The following NEK11 variants were observed in gnomAD, a reference collection of about 807,000 sequenced individuals.
The protein encoded by NEK11 is serine/threonine-protein kinase Nek11.
NEK11 carries 72 observed loss-of-function variants against 80.7 expected under a neutral mutation model. The ratio of observed to expected loss-of-function variants is 0.89; its 90% confidence interval spans 0.74 to 1.08. The LOEUF (loss-of-function observed/expected upper bound fraction) is 1.08. NEK11 is among the 50% of genes least tolerant of loss of function. The pLI, the probability that NEK11 is intolerant of heterozygous loss-of-function variation, is 0.00. For synonymous variants in NEK11, 251 were observed against 260.7 expected, an observed-to-expected ratio of 0.96 and a Z score of 0.36; for missense variants, 764 against 763.6, an observed-to-expected ratio of 1.00 and a Z score of -0.01.
Position 131,029,895 on chromosome 3 carries a change from C to A in NEK11, c.170+17C>A. On this transcript the variant is annotated intron_variant, in intron 3 of 17. Transcript: ENST00000383366. The stretch of plus-strand genomic sequence containing the variant: ...AGAGGAATTGTAAGTAAAAATGCTT[C>A]CTATGAATCTTGAGTAGGCTGCTTT... 1 of 1,612,266 alleles carries A rather than the reference C, an allele frequency of 6.2e-7. No individual in the cohort carries two copies. Among genetic ancestry groups the A allele is most frequent in the Non-Finnish European group, 8.5e-7 (1 of 1,178,520 alleles).
intron 4 of NEK11, among the ~76,000 whole-genome samples, chr3:131,102,256 A>T (rs1050254261): frequency 6.6e-6 from 1 of 152,106 alleles, no homozygotes; most frequent in Non-Finnish European, 1.5e-5. Flanking sequence ...TAGAATTAAG[A>T]TTGCTTTGCA....
intron 14 of NEK11, among the ~76,000 whole-genome samples, chr3:131,179,021 C>G (rs2093201822): frequency 6.6e-6 from 1 of 152,138 alleles, no homozygotes; most frequent in African/African-American, 2.4e-5. Flanking sequence ...GAGGTGGGGT[C>G]ATTAAGAGGC....
chr3:131,233,924 GT>G (rs2095382979), intron 15 of NEK11, among the ~76,000 whole-genome samples: 1 of 152,220 alleles, frequency 6.6e-6, no homozygotes, highest in African/African-American at 2.4e-5. Flanking sequence ...AGGAAATTAA[GT>G]TACATCTCCA....
In NEK11 at chr3:131,248,092, C is replaced by T. The variant is rs115747579; in HGVS notation, c.1621+4596C>T. Among the ~76,000 whole-genome samples, 1,469 of 152,080 alleles carry T rather than the reference C, an allele frequency of 9.7e-3. 16 individuals are homozygous for T. Among genetic ancestry groups the T allele is most frequent in the African/African-American group, 0.032 (1,314 of 41,494 alleles). On this transcript the variant is annotated intron_variant, in intron 16 of 17. Coordinates refer to ENST00000383366, the MANE Select transcript of NEK11 (RefSeq NM_024800.5). ...CAATTTGGGTGCTATTTATTTTTCTCTTGCTTGGTTGCTCTGGGTAGGACT... is the reference window on the plus strand; with the variant it reads ...CAATTTGGGTGCTATTTATTTTTCTTTTGCTTGGTTGCTCTGGGTAGGACT...
At chr3:131,256,281 TA>T (rs756085794) in intron 16 of NEK11, among the ~76,000 whole-genome samples, 5 of 152,194 alleles carry the variant, frequency 3.3e-5, no homozygotes, top group Non-Finnish European at 7.4e-5. Flanking sequence ...ATTTGATTTT[TA>T]TACAATGTAT....
intron 4 of NEK11, among the ~76,000 whole-genome samples, chr3:131,105,386 T>G (rs2079029135): frequency 6.6e-6 from 1 of 152,248 alleles, no homozygotes; most frequent in Non-Finnish European, 1.5e-5. Flanking sequence ...GCACGTCTAA[T>G]CTTAGCTAGC....
chr3:131,123,833 C>A (rs2082815328), intron 5 of NEK11, among the ~76,000 whole-genome samples: 1 of 152,000 alleles, frequency 6.6e-6, no homozygotes, highest in East Asian at 1.9e-4. Flanking sequence ...CTATAGAAAC[C>A]AAGTGATCAA....
At chr3:131,212,775 A>C (rs182451248) in intron 14 of NEK11, among the ~76,000 whole-genome samples, 37 of 152,354 alleles carry the variant, frequency 2.4e-4, no homozygotes, top group Admixed American at 2.3e-3. Context: ...TCAAGTTGCA[A>C]AATAATTCTC....
chr3:131,148,101 C>G (rs2149766923), intron 7 of NEK11, among the ~76,000 whole-genome samples: 1 of 151,546 alleles, frequency 6.6e-6, no homozygotes, highest in South Asian at 2.1e-4. Context: ...TTATAGAATG[C>G]TTTTTTTGCA....
At chr3:131,327,160 T>A (rs1394846937) in intron 17 of NEK11, 1 of 152,248 alleles carries the variant, frequency 6.6e-6, no homozygotes, top group Non-Finnish European at 1.5e-5. Context: ...ACAAGCAAAC[T>A]AAGATGCCCT....
intron 17 of NEK11, among the ~76,000 whole-genome samples, chr3:131,295,091 A>T (rs1429310656): frequency 2.6e-5 from 4 of 152,074 alleles, no homozygotes; most frequent in African/African-American, 9.7e-5. Flanking sequence ...GTGATTATTG[A>T]TGTAGTTGGA....
Position 131,110,029 on chromosome 3 carries a change from A to G in NEK11, c.455+108A>G, listed in dbSNP as rs2079839202. On this transcript the variant is annotated intron_variant, in intron 5 of 17. Coordinates refer to ENST00000383366, the MANE Select transcript of NEK11 (RefSeq NM_024800.5). The stretch of plus-strand genomic sequence containing the variant: ...TTGAAAGAAAACAAGTTCAAAAGGT[A>G]TATGGCTAAAATTAAACATCTATAA... 6 of 1,123,398 alleles carry G rather than the reference A, an allele frequency of 5.3e-6. No homozygotes were observed. The East Asian group carries it at 1.3e-4, about 25-fold the overall frequency. 69.6% of individuals were successfully genotyped at this position (1,123,398 alleles called of 1,614,324 possible).
At chr3:131,072,818 G>A (rs1296626097) in intron 3 of NEK11, among the ~76,000 whole-genome samples, 1 of 152,186 alleles carries the variant, frequency 6.6e-6, no homozygotes, top group Non-Finnish European at 1.5e-5. Context: ...AGCTTTTATG[G>A]AGGCTGTGAC....
At chr3:131,136,985 A>C (rs1375996405) in intron 7 of NEK11, among the ~76,000 whole-genome samples, 1 of 152,190 alleles carries the variant, frequency 6.6e-6, no homozygotes, top group Admixed American at 6.5e-5. Flanking sequence ...TGTTGGTCTT[A>C]TTTACTTTGT....
intron 17 of NEK11, among the ~76,000 whole-genome samples, chr3:131,344,266 T>G (rs1253895201): frequency 6.6e-6 from 1 of 152,196 alleles, no homozygotes; most frequent in Non-Finnish European, 1.5e-5. Flanking sequence ...ATAGACAGAA[T>G]GCAGCTAAGC....
intron 4 of NEK11, among the ~76,000 whole-genome samples, chr3:131,105,841 T>C (rs2079096408): frequency 1.3e-5 from 2 of 152,198 alleles, no homozygotes; most frequent in Non-Finnish European, 2.9e-5. Flanking sequence ...TCAGTTTTTT[T>C]CCCCAAATAG....
chr3:131,038,484 T>G (rs183556909), intron 3 of NEK11, among the ~76,000 whole-genome samples: 1 of 152,340 alleles, frequency 6.6e-6, no homozygotes, highest in Non-Finnish European at 1.5e-5. Flanking sequence ...TCTATCTGGT[T>G]TTTAATATTT....
chr3:131,119,591 T>A (rs2082001079), intron 5 of NEK11, among the ~76,000 whole-genome samples: 1 of 152,156 alleles, frequency 6.6e-6, no homozygotes, highest in Non-Finnish European at 1.5e-5. Flanking sequence ...CCCATTATTA[T>A]TGTGTGGGAG....
intron 15 of NEK11, among the ~76,000 whole-genome samples, chr3:131,236,260 C>T (rs979162999): frequency 6.6e-6 from 1 of 152,144 alleles, no homozygotes; most frequent in Non-Finnish European, 1.5e-5. Context: ...TTTCACTGTG[C>T]TGGAATTCTA....
Sources: gnomAD v4.1 joint callset for allele counts (sites outside exome capture counted in the v4.1 genomes callset) on GRCh38, gnomAD v4.1.1 for gene constraint, MANE v1.5 for transcripts, NCBI Gene and HGNC (gene_info 2026-07-23, HGNC 2026-07-21) for gene names.